NUPR1: variants seen among roughly 807,000 people sequenced by gnomAD.
NUPR1 encodes nuclear protein 1, transcriptional regulator, also known as nuclear protein 1.
A neutral mutation model predicts 7.3 loss-of-function variants in NUPR1; 8 were observed. The observed-to-expected ratio is 1.09, with a 90% CI of 0.64 to 1.97. The LOEUF (loss-of-function observed/expected upper bound fraction) is 1.97. Among genes scored for constraint, NUPR1 ranks in the 30% most tolerant of loss-of-function variants. The pLI, the probability that NUPR1 is intolerant of heterozygous loss-of-function variation, is 0.00. For synonymous variants in NUPR1, 39 were observed against 44.5 expected (o/e 0.88, Z 0.49); for missense variants, 96 against 111.7 (o/e 0.86, Z 0.63).
In NUPR1 at chr16:28,535,556, T is replaced by TTCC. The variant is rs1567277392; in HGVS notation, c.*2126_*2127insGGA. The stretch of plus-strand genomic sequence containing the variant: ...CTTTCTTTCTTTCCTTCTTTCTTTC[T>TTCC]TTCTTTCCTTCCTTCCTTTCTTTCT... On this transcript the variant is annotated 3_prime_UTR_variant, in exon 3 of 3. Coordinates refer to ENST00000324873, the MANE Select transcript of NUPR1 (RefSeq NM_012385.3). The TTCC allele has an allele frequency of 3.7e-4, 12 of 32,722 alleles. 1 individual carries two copies. In the Admixed American group the frequency reaches 4.4e-3, roughly 12 times the overall value. The allele number at this position is 32,722 out of a possible 1,614,324, so 2.0% of individuals were successfully genotyped here.
rs1359794297 is a variant in NUPR1 at position 28,535,567 on chromosome 16, C to CTTTCTTTCTTTT, written c.*2115_*2116insAAAAGAAAGAAA. The CTTTCTTTCTTTT allele has an allele frequency of 1.3e-4, 9 of 67,390 alleles. No individual in the cohort carries two copies. The highest frequency in any genetic ancestry group is 5.1e-4 in the African/African-American group (9 of 17,508). 4.2% of individuals were successfully genotyped at this position (67,390 alleles called of 1,614,324 possible). On this transcript the variant is annotated 3_prime_UTR_variant, in exon 3 of 3. Coordinates refer to ENST00000324873, the MANE Select transcript of NUPR1 (RefSeq NM_012385.3). ...TCCTTCTTTCTTTCTTTCTTTCCTT[C>CTTTCTTTCTTTT]CTTCCTTTCTTTCTTTCTTTCTTTC...
intron 2 of NUPR1, 25 bp downstream of exon 2, chr16:28,537,981 C>A: frequency 6.3e-7 from 1 of 1,582,222 alleles, no homozygotes; most frequent in South Asian, 1.1e-5. Flanking sequence ...CCACCTTGAG[C>A]TCTCTGGGCC....
Position 28,535,580 on chromosome 16 carries a change from C to CTTTCTTTTCTTTCTTTCT in NUPR1, c.*2102_*2103insAGAAAGAAAGAAAAGAAA, listed in dbSNP as rs1567277529. ...CTTTCTTTCCTTCCTTCCTTTCTTT[C>CTTTCTTTTCTTTCTTTCT]TTTCTTTCTTTCTTTCTTTCTTTCT... On this transcript the variant is annotated 3_prime_UTR_variant, in exon 3 of 3. Transcript: ENST00000324873. 3 of 35,154 alleles carry CTTTCTTTTCTTTCTTTCT rather than the reference C, an allele frequency of 8.5e-5. No individual in the cohort carries two copies. The highest frequency in any genetic ancestry group is 5.0e-4 in the African/African-American group (3 of 5,988). The allele number at this position is 35,154 out of a possible 1,614,324, so 2.2% of individuals were successfully genotyped here.
Position 28,535,537 on chromosome 16 carries a change from TTC to T in NUPR1, c.*2144_*2145del, listed in dbSNP as rs1491525029. 7.2e-5 allele frequency: 5 copies of T among 69,478 alleles called. No homozygotes were observed. Among genetic ancestry groups the T allele is most frequent in the African/African-American group, 2.3e-4 (5 of 21,576 alleles). 4.3% of individuals were successfully genotyped at this position (69,478 alleles called of 1,614,324 possible). ...TTTCTTTCTTTCTTTCTTTCTTTCT[TTC>T]TTTCCTTCTTTCTTTCTTTCTTTCC... On this transcript the variant is annotated 3_prime_UTR_variant, in exon 3 of 3. Transcript: ENST00000324873.
At position 28,535,527 on chromosome 16, in the gene NUPR1, C is replaced by CTTTCTTTCTTTCTTTCTTTCTTTCT. The variant is rs2046606051; in HGVS notation, c.*2155_*2156insAGAAAGAAAGAAAGAAAGAAAGAAA. On this transcript the variant is annotated 3_prime_UTR_variant, in exon 3 of 3. Coordinates refer to ENST00000324873, the MANE Select transcript of NUPR1 (RefSeq NM_012385.3). The stretch of plus-strand genomic sequence containing the variant: ...CTTTTCTTTCTTTCTTTCTTTCTTT[C>CTTTCTTTCTTTCTTTCTTTCTTTCT]TTTCTTTCTTTCTTTCCTTCTTTCT... 1 of 73,860 alleles carries CTTTCTTTCTTTCTTTCTTTCTTTCT rather than the reference C, an allele frequency of 1.4e-5. No individual in the cohort carries two copies. The highest frequency in any genetic ancestry group is 4.6e-5 in the African/African-American group (1 of 21,568). 4.6% of individuals were successfully genotyped at this position (73,860 alleles called of 1,614,324 possible).
In NUPR1 at chr16:28,535,563, C is replaced by CTTTCTTTCTTTCTTT. The variant is rs780569587; in HGVS notation, c.*2119_*2120insAAAGAAAGAAAGAAA. 12 of 67,182 alleles carry CTTTCTTTCTTTCTTT rather than the reference C, an allele frequency of 1.8e-4. 1 individual carries two copies. The highest frequency in any genetic ancestry group is 4.3e-4 in the South Asian group (1 of 2,344). 4.2% of individuals were successfully genotyped at this position (67,182 alleles called of 1,614,324 possible). ...TCTTTCCTTCTTTCTTTCTTTCTTT[C>CTTTCTTTCTTTCTTT]CTTCCTTCCTTTCTTTCTTTCTTTC... On this transcript the variant is annotated 3_prime_UTR_variant, in exon 3 of 3. Coordinates refer to ENST00000324873, the MANE Select transcript of NUPR1 (RefSeq NM_012385.3).
At position 28,537,990 on chromosome 16, in the gene NUPR1, C is replaced by T. The variant is rs1305124326; in HGVS notation, c.*13+16G>A. 6.3e-7 allele frequency: 1 copy of T among 1,591,900 alleles called. No homozygotes were observed. Among genetic ancestry groups the T allele is most frequent in the East Asian group, 2.2e-5 (1 of 44,578 alleles). On this transcript the variant is annotated intron_variant, in intron 2 of 2. Coordinates refer to ENST00000324873, the MANE Select transcript of NUPR1 (RefSeq NM_012385.3). ...GAAGCACCACCTTGAGCTCTCTGGG[C>T]CCCCCGACTCCTTACCTCCAGCTCT...
At position 28,535,586 on chromosome 16, in the gene NUPR1, T is replaced by G. The variant is rs566537040; in HGVS notation, c.*2097A>C. On this transcript the variant is annotated 3_prime_UTR_variant, in exon 3 of 3. Coordinates refer to ENST00000324873, the MANE Select transcript of NUPR1 (RefSeq NM_012385.3). ...TTCCTTCCTTCCTTTCTTTCTTTCT[T>G]TCTTTCTTTCTTTCTTTCTTTCTTT... 4.7e-5 allele frequency: 2 copies of G among 42,456 alleles called. No individual in the cohort carries two copies. The highest frequency in any genetic ancestry group is 5.2e-4 in the Admixed American group (2 of 3,854). The allele number at this position is 42,456 out of a possible 1,614,324, so 2.6% of individuals were successfully genotyped here.
rs1416165624 is a variant in NUPR1 at position 28,535,248 on chromosome 16, T to A, written c.*2435A>T. On this transcript the variant is annotated 3_prime_UTR_variant, in exon 3 of 3. Transcript: ENST00000324873. ...GCAAATCCCTTAATATTTCCTTCCC[T>A]CCTTTCCTCCTTCCCTCCTTCCCTC... is the stretch of plus-strand genomic sequence containing the variant. 6.6e-6 allele frequency: 1 copy of A among 152,106 alleles called. No individual in the cohort carries two copies. The highest frequency in any genetic ancestry group is 1.9e-4 in the East Asian group (1 of 5,190). The allele number at this position is 152,106 out of a possible 1,614,324, so 9.4% of individuals were successfully genotyped here. A position where few individuals can be genotyped will look rare whatever the true frequency, so the allele number is the denominator to read the frequency against.
At position 28,534,912 on chromosome 16, in the gene NUPR1, A is replaced by G. The variant is rs2046601105; in HGVS notation, c.*2771T>C. On this transcript the variant is annotated 3_prime_UTR_variant, in exon 3 of 3. Coordinates refer to ENST00000324873, the MANE Select transcript of NUPR1 (RefSeq NM_012385.3). ...TAAAAATAGCTGGAATCCTCAACAC[A>G]ATGGAGCTGCCATTTGAACCCAGGA... 1 of 152,180 alleles carries G rather than the reference A, an allele frequency of 6.6e-6. No homozygotes were observed. The highest frequency in any genetic ancestry group is 2.1e-4 in the South Asian group (1 of 4,830). 9.4% of individuals were successfully genotyped at this position (152,180 alleles called of 1,614,324 possible).
In NUPR1 at chr16:28,535,503, T is replaced by TTTTCTCTTTCTTTCTTTCTTTC. The variant is rs2046604855; in HGVS notation, c.*2179_*2180insGAAAGAAAGAAAGAAAGAGAAA. ...TGAGCCACTGTGCCGGGGCTCGCTC[T>TTTTCTCTTTCTTTCTTTCTTTC]TTTCTTTCTTTCTTTCTTTCTTTCT... On this transcript the variant is annotated 3_prime_UTR_variant, in exon 3 of 3. Coordinates refer to ENST00000324873, the MANE Select transcript of NUPR1 (RefSeq NM_012385.3). 1 of 98,470 alleles carries TTTTCTCTTTCTTTCTTTCTTTC rather than the reference T, an allele frequency of 1.0e-5. No homozygotes were observed. The allele number at this position is 98,470 out of a possible 1,614,324, so 6.1% of individuals were successfully genotyped here. A position where few individuals can be genotyped will look rare whatever the true frequency, so the allele number is the denominator to read the frequency against.
rs1366893136 is a variant in NUPR1 at position 28,536,931 on chromosome 16, G to C, written c.*752C>G. Reference sequence around the variant, plus strand: ...CCCACCTCGGCCTCCCAAAGTGCTGGGATTACAGGCGTGAGCCACTGCCCC... The same window carrying C: ...CCCACCTCGGCCTCCCAAAGTGCTGCGATTACAGGCGTGAGCCACTGCCCC... On this transcript the variant is annotated 3_prime_UTR_variant, in exon 3 of 3. Coordinates refer to ENST00000324873, the MANE Select transcript of NUPR1 (RefSeq NM_012385.3). The C allele has an allele frequency of 1.3e-5, 2 of 151,816 alleles. No homozygotes were observed. The highest frequency in any genetic ancestry group is 2.4e-5 in the African/African-American group (1 of 41,274). The allele number at this position is 151,816 out of a possible 1,614,324, so 9.4% of individuals were successfully genotyped here.
In NUPR1 at chr16:28,535,553, TTC is replaced by T. The variant is rs1491569965; in HGVS notation, c.*2128_*2129del. 2.9e-5 allele frequency: 1 copy of T among 35,046 alleles called. No homozygotes were observed. Among genetic ancestry groups the T allele is most frequent in the African/African-American group, 7.5e-5 (1 of 13,334 alleles). The allele number at this position is 35,046 out of a possible 1,614,324, so 2.2% of individuals were successfully genotyped here. ...TTTCTTTCTTTCTTTCCTTCTTTCT[TTC>T]TTTCTTTCCTTCCTTCCTTTCTTTC... On this transcript the variant is annotated 3_prime_UTR_variant, in exon 3 of 3. Coordinates refer to ENST00000324873, the MANE Select transcript of NUPR1 (RefSeq NM_012385.3).
In NUPR1 at chr16:28,538,153, C is replaced by T. The variant is rs1205444755; in HGVS notation, c.115G>A (p.Gly39Ser). 2 of 1,614,110 alleles carry T rather than the reference C, an allele frequency of 1.2e-6. No individual in the cohort carries two copies. The highest frequency in any genetic ancestry group is 1.7e-5 in the Admixed American group (1 of 59,992). ...LYSLAHSYLG[G>S]GGRKGRTKRE... Reference sequence around the variant, plus strand: ...TTGGTGCGACCTTTCCGGCCTCCACCTCCTGTAACCAAGGCAGGAGTCAGA... The same window carrying T: ...TTGGTGCGACCTTTCCGGCCTCCACTTCCTGTAACCAAGGCAGGAGTCAGA... Residue 39 changes from glycine (G) to serine (S), a missense_variant and splice_region_variant, in exon 2 of 3, where the codon GGT becomes AGT. Coordinates refer to ENST00000324873, the MANE Select transcript of NUPR1 (RefSeq NM_012385.3).
At position 28,533,873 on chromosome 16, in the gene NUPR1, C is replaced by T. The variant is rs1284235585; in HGVS notation, c.*3810G>A. On this transcript the variant is annotated 3_prime_UTR_variant, in exon 3 of 3. Coordinates refer to ENST00000324873, the MANE Select transcript of NUPR1 (RefSeq NM_012385.3). ...CTTTGCCGGGTGGTGTGGCTCAAGCCTGTAATCCCAACACTTTGGGAGGCC... is the reference window on the plus strand; with the variant it reads ...CTTTGCCGGGTGGTGTGGCTCAAGCTTGTAATCCCAACACTTTGGGAGGCC... 1.3e-5 allele frequency: 2 copies of T among 152,324 alleles called. No individual in the cohort carries two copies. Among genetic ancestry groups the T allele is most frequent in the African/African-American group, 4.8e-5 (2 of 41,452 alleles). The allele number at this position is 152,324 out of a possible 1,614,324, so 9.4% of individuals were successfully genotyped here. A position where few individuals can be genotyped will look rare whatever the true frequency, so the allele number is the denominator to read the frequency against.
At chr16:28,537,730 C>T (rs760388324) in intron 2 of NUPR1, 61 bp from the exon 3 acceptor site, 94 of 377,516 alleles carry the variant, frequency 2.5e-4, no homozygotes, top group Non-Finnish European at 3.9e-4. Flanking sequence ...AATTCTGCCT[C>T]TCCCACTCAC....
Position 28,535,564 on chromosome 16 carries a change from C to CTTCCTTCCTTCTTTCTTTCT in NUPR1, c.*2118_*2119insAGAAAGAAAGAAGGAAGGAA, listed in dbSNP as rs2046609020. The stretch of plus-strand genomic sequence containing the variant: ...CTTTCCTTCTTTCTTTCTTTCTTTC[C>CTTCCTTCCTTCTTTCTTTCT]TTCCTTCCTTTCTTTCTTTCTTTCT... On this transcript the variant is annotated 3_prime_UTR_variant, in exon 3 of 3. Transcript: ENST00000324873. The CTTCCTTCCTTCTTTCTTTCT allele has an allele frequency of 5.2e-5, 3 of 57,738 alleles. No homozygotes were observed. The highest frequency in any genetic ancestry group is 7.3e-5 in the Non-Finnish European group (2 of 27,578). The allele number at this position is 57,738 out of a possible 1,614,324, so 3.6% of individuals were successfully genotyped here.
At position 28,537,930 on chromosome 16, in the gene NUPR1, C is replaced by A. The variant is rs1567278417; in HGVS notation, c.*13+76G>T. On this transcript the variant is annotated intron_variant, in intron 2 of 2. Coordinates refer to ENST00000324873, the MANE Select transcript of NUPR1 (RefSeq NM_012385.3). ...CAGTTGCCTGATCCCTCCTCCCCAC[C>A]CAATCACACACCTTCCGGCCTGTCC... 7.4e-6 allele frequency: 9 copies of A among 1,219,562 alleles called. No homozygotes were observed. The Admixed American group carries it at 1.9e-4, about 26-fold the overall frequency. The allele number at this position is 1,219,562 out of a possible 1,614,324, so 75.5% of individuals were successfully genotyped here. A position where few individuals can be genotyped will look rare whatever the true frequency, so the allele number is the denominator to read the frequency against.
At position 28,535,401 on chromosome 16, in the gene NUPR1, CT is replaced by C. The variant is rs2046603791; in HGVS notation, c.*2281del. ...ATGGCGTGATCTTGGCTCACCACAACTTCTGCCTCGAACTCGAACTACTGAC... is the reference window on the plus strand; with the variant it reads ...ATGGCGTGATCTTGGCTCACCACAACTCTGCCTCGAACTCGAACTACTGAC... On this transcript the variant is annotated 3_prime_UTR_variant, in exon 3 of 3. Coordinates refer to ENST00000324873, the MANE Select transcript of NUPR1 (RefSeq NM_012385.3). The C allele has an allele frequency of 1.3e-5, 2 of 152,368 alleles. No individual in the cohort carries two copies. The highest frequency in any genetic ancestry group is 4.8e-5 in the African/African-American group (2 of 41,362). 9.4% of individuals were successfully genotyped at this position (152,368 alleles called of 1,614,324 possible). A position where few individuals can be genotyped will look rare whatever the true frequency, so the allele number is the denominator to read the frequency against.
Sources: allele counts gnomAD v4.1 joint callset, GRCh38; gene constraint gnomAD v4.1.1; transcripts MANE v1.5; gene names NCBI Gene and HGNC (gene_info 2026-07-23, HGNC 2026-07-21).